Variants in MARCHF1 observed in about 807,000 individuals in gnomAD.
MARCHF1 encodes membrane associated ring-CH-type finger 1.
MARCHF1 carries 40 observed loss-of-function variants against 54.2 expected under a neutral mutation model. The ratio of observed to expected loss-of-function variants is 0.74; its 90% CI spans 0.57 to 0.96. The LOEUF is 0.96. MARCHF1 is among the 40% of genes least tolerant of loss of function. The probability of loss-of-function intolerance (pLI) is 0.00; values close to 1 mark genes in which losing one functional copy is unlikely to be tolerated. For missense variants in MARCHF1, 586 were observed against 656.5 expected (o/e 0.89, Z 1.17); for synonymous variants, 236 against 236.3 (o/e 1.00, Z 0.01).
chr4:163,624,053 T>C (rs968962722), intron 5 of MARCHF1, among the ~76,000 whole-genome samples: 3 of 152,118 alleles, frequency 2.0e-5, no homozygotes, highest in African/African-American at 7.2e-5. Flanking sequence ...CTGGGTTGGA[T>C]GAGGTGCAAG....
At chr4:163,541,115 T>C in intron 9 of MARCHF1, among the ~76,000 whole-genome samples, 1 of 152,232 alleles carries the variant, frequency 6.6e-6, no homozygotes, top group Admixed American at 6.5e-5. Context: ...TTTATTCTTT[T>C]TGGGTTGTTC....
chr4:164,161,811 A>G (rs1406531046), intron 1 of MARCHF1, among the ~76,000 whole-genome samples: 1 of 152,182 alleles, frequency 6.6e-6, no homozygotes, highest in Non-Finnish European at 1.5e-5. Flanking sequence ...CCTTGCTGCT[A>G]TGAAACAGTA....
At chr4:164,034,562 C>T (rs1014219674) in intron 2 of MARCHF1, among the ~76,000 whole-genome samples, 1 of 152,018 alleles carries the variant, frequency 6.6e-6, no homozygotes, top group African/African-American at 2.4e-5. Context: ...ATTAGGGATG[C>T]TCAACCTGTA....
At chr4:163,652,726 G>A (rs539595274) in intron 5 of MARCHF1, among the ~76,000 whole-genome samples, 4 of 151,834 alleles carry the variant, frequency 2.6e-5, no homozygotes, top group East Asian at 3.9e-4. Flanking sequence ...GTTTAGAGAC[G>A]TTTTACTCTT....
At chr4:163,544,368 C>CT (rs1175162257) in intron 9 of MARCHF1, among the ~76,000 whole-genome samples, 1 of 152,198 alleles carries the variant, frequency 6.6e-6, no homozygotes, top group East Asian at 1.9e-4. Context: ...CCCATCCTAA[C>CT]TGTTTTTCTA....
At chr4:163,552,563 G>A (rs1739140989) in intron 8 of MARCHF1, among the ~76,000 whole-genome samples, 1 of 152,144 alleles carries the variant, frequency 6.6e-6, no homozygotes, top group African/African-American at 2.4e-5. Flanking sequence ...CTGAACTGCT[G>A]GGTAATGGGA....
intron 1 of MARCHF1, among the ~76,000 whole-genome samples, chr4:164,132,476 A>T (rs1456607208): frequency 6.6e-6 from 1 of 152,150 alleles, no homozygotes; most frequent in African/African-American, 2.4e-5. Flanking sequence ...TTCATATTGC[A>T]TTACCTCAAA....
chr4:164,090,320 G>T (rs1371061652), intron 2 of MARCHF1, among the ~76,000 whole-genome samples: 2 of 136,318 alleles, frequency 1.5e-5, no homozygotes, highest in Admixed American at 7.8e-5. Flanking sequence ...ATATATTAAA[G>T]GCTCAAAAAT....
At chr4:164,371,266 G>T (rs1349843262) in intron 1 of MARCHF1, among the ~76,000 whole-genome samples, 2 of 152,164 alleles carry the variant, frequency 1.3e-5, no homozygotes, top group East Asian at 3.9e-4. Flanking sequence ...AATTCCAACT[G>T]GGCCAAAGAC....
chr4:164,190,895 T>C (rs1731106297), intron 1 of MARCHF1, among the ~76,000 whole-genome samples: 1 of 152,206 alleles, frequency 6.6e-6, no homozygotes, highest in African/African-American at 2.4e-5. Context: ...TCTCTTGAAA[T>C]CATGGTACCC....
intron 1 of MARCHF1, among the ~76,000 whole-genome samples, chr4:164,226,530 A>C (rs1732258024): frequency 6.6e-6 from 1 of 152,074 alleles, no homozygotes; most frequent in Non-Finnish European, 1.5e-5. Context: ...GTGGGAGAAA[A>C]TAGATACAAC....
At chr4:164,258,104 G>A (rs999159336) in intron 1 of MARCHF1, among the ~76,000 whole-genome samples, 8 of 152,042 alleles carry the variant, frequency 5.3e-5, no homozygotes, top group Non-Finnish European at 1.2e-4. Context: ...CCTTTGCAGG[G>A]ACATGGATGG....
chr4:164,025,892 A>G (rs1753757685), intron 2 of MARCHF1, among the ~76,000 whole-genome samples: 1 of 152,010 alleles, frequency 6.6e-6, no homozygotes, highest in South Asian at 2.1e-4. Flanking sequence ...GGATGGTATT[A>G]CTCCCAATCC....
At position 163,933,673 on chromosome 4, in the gene MARCHF1, G is replaced by T. The variant is rs956968431; in HGVS notation, c.-39+54828C>A. 4.6e-5 allele frequency among the ~76,000 whole-genome samples: 7 copies of T among 152,204 alleles called. 1 individual carries two copies. Among genetic ancestry groups the T allele is most frequent in the Admixed American group, 2.0e-4 (3 of 15,276 alleles). On this transcript the variant is annotated intron_variant, in intron 3 of 9. Transcript: ENST00000514618. ...TACATTCCCTCCCATACTCGTCAGG[G>T]TTTCCTTTCAATAAGCAACTTTTCC... is the stretch of plus-strand genomic sequence containing the variant.
intron 3 of MARCHF1, among the ~76,000 whole-genome samples, chr4:163,856,638 T>A (rs1220003097): frequency 6.6e-6 from 1 of 152,218 alleles, no homozygotes; most frequent in Non-Finnish European, 1.5e-5. Context: ...AATGACTTCC[T>A]CTAAATAATA....
chr4:164,311,334 A>T (rs750454610), intron 1 of MARCHF1, among the ~76,000 whole-genome samples: 1 of 152,174 alleles, frequency 6.6e-6, no homozygotes. Context: ...CATCTTCTTT[A>T]GTTTTATGAG....
chr4:163,989,927 A>T (rs2110890289), intron 2 of MARCHF1, among the ~76,000 whole-genome samples: 1 of 152,300 alleles, frequency 6.6e-6, no homozygotes, highest in Middle Eastern at 3.4e-3. Context: ...TATAAGTTAG[A>T]ATTTTTCCCT....
intron 5 of MARCHF1, among the ~76,000 whole-genome samples, chr4:163,699,948 T>C (rs953173658): frequency 1.4e-5 from 2 of 147,628 alleles, no homozygotes; most frequent in Admixed American, 1.4e-4. Context: ...TTATATACAG[T>C]CTAGGGAATA....
chr4:164,331,705 A>G (rs918391394), intron 1 of MARCHF1, among the ~76,000 whole-genome samples: 2 of 152,196 alleles, frequency 1.3e-5, no homozygotes, highest in Non-Finnish European at 2.9e-5. Flanking sequence ...ATACATCTAC[A>G]TATCTATAAT....
Sources: gnomAD v4.1 joint callset for allele counts (sites outside exome capture counted in the v4.1 genomes callset) on GRCh38, gnomAD v4.1.1 for gene constraint, MANE v1.5 for transcripts, NCBI Gene and HGNC (gene_info 2026-07-23, HGNC 2026-07-21) for gene names.